TRPM2: variants seen among roughly 807,000 people sequenced by gnomAD.
TRPM2 encodes the protein estrogen-responsive element-associated gene 1 protein.
Under a neutral mutation model 174.0 loss-of-function variants are expected in TRPM2, and 161 were observed. The observed-to-expected ratio is 0.93, with a 90% CI of 0.81 to 1.05. The LOEUF (loss-of-function observed/expected upper bound fraction) is 1.05, where lower values mean the gene tolerates loss of function less well. TRPM2 is among the 50% of genes least tolerant of loss of function. The pLI is 0.00. For missense variants in TRPM2, 2,057 were observed against 2,038.0 expected, an observed-to-expected ratio of 1.01 and a Z score of -0.18; for synonymous variants, 954 against 861.3, an observed-to-expected ratio of 1.11 and a Z score of -1.88.
In TRPM2 at chr21:44,399,309, G is replaced by A. The variant is rs767755773; in HGVS notation, c.2076G>A (p.Glu692=). The stretch of plus-strand genomic sequence containing the variant: ...ATCTCCGCCCAGGGGTCTTCACCGA[G>A]TGCTACCGGAAGGACGAAGAGAGAG... ...YEHRAIGVFT[E]CYRKDEERAQ... Residue 692 remains glutamate (E), a synonymous_variant, in exon 14 of 32, where the codon GAG becomes GAA. Coordinates refer to ENST00000397928, the MANE Select transcript of TRPM2 (RefSeq NM_003307.4). The surrounding 1 kb of genome is among the most constrained non-coding windows in gnomAD (Gnocchi z 4.6). 3 of 1,612,472 alleles carry A rather than the reference G, an allele frequency of 1.9e-6. No homozygotes were observed. Among genetic ancestry groups the A allele is most frequent in the African/African-American group, 1.3e-5 (1 of 74,916 alleles).
At chr21:44,406,444 G>A in intron 18 of TRPM2, 150 bp from the exon 19 acceptor site, 2 of 946,642 alleles carry the variant, frequency 2.1e-6, no homozygotes, top group Non-Finnish European at 1.5e-6. Context: ...AGGGTGTGGG[G>A]GCAGCCCCAG....
intron 2 of TRPM2, among the ~76,000 whole-genome samples, chr21:44,356,133 C>T (rs1376503024): frequency 1.3e-4 from 17 of 132,696 alleles, no homozygotes; most frequent in Admixed American, 1.0e-3. Flanking sequence ...CCACCCGCCT[C>T]GGCCTCCCAA....
chr21:44,395,048 C>T (rs1372178120), intron 11 of TRPM2, among the ~76,000 whole-genome samples: 1 of 152,206 alleles, frequency 6.6e-6, no homozygotes, highest in Non-Finnish European at 1.5e-5. Flanking sequence ...AGGGAGAAGA[C>T]AGTCACTGAC....
At chr21:44,405,329 G>A (rs1047078336) in intron 17 of TRPM2, 69 bp downstream of exon 17, 36 of 1,593,080 alleles carry the variant, frequency 2.3e-5, no homozygotes, top group South Asian at 3.3e-5. Context: ...AGCACAGGCC[G>A]GGCCCAGAAC....
chr21:44,412,010 A>G (rs539918496), intron 19 of TRPM2, among the ~76,000 whole-genome samples: 31 of 151,958 alleles, frequency 2.0e-4, no homozygotes, highest in African/African-American at 6.5e-4. Context: ...CTGTTTTTTG[A>G]TGATTTTTGC....
intron 9 of TRPM2, among the ~76,000 whole-genome samples, chr21:44,388,018 A>G (rs1245336544): frequency 1.3e-5 from 2 of 152,164 alleles, no homozygotes; most frequent in Non-Finnish European, 2.9e-5. Context: ...CAATTCCTAT[A>G]TGATCCAGCT....
At chr21:44,421,635 G>A (rs113478787) in intron 22 of TRPM2, among the ~76,000 whole-genome samples, 4,717 of 152,082 alleles carry the variant, frequency 0.031, 261 homozygotes, top group African/African-American at 0.11. Flanking sequence ...AATTAGCCAG[G>A]CACGGTGGCT....
At chr21:44,408,336 C>T (rs985896999) in intron 19 of TRPM2, among the ~76,000 whole-genome samples, 1 of 151,948 alleles carries the variant, frequency 6.6e-6, no homozygotes, top group Non-Finnish European at 1.5e-5. Context: ...TCTTAGACAC[C>T]TAGGAATGCA....
chr21:44,412,361 TC>T (rs1461550322), intron 19 of TRPM2, among the ~76,000 whole-genome samples: 1 of 152,166 alleles, frequency 6.6e-6, no homozygotes, highest in Non-Finnish European at 1.5e-5. Context: ...TTCATCTAGA[TC>T]ATCTAATTTT....
At chr21:44,362,139 C>T (rs1156529462) in intron 2 of TRPM2, among the ~76,000 whole-genome samples, 1 of 152,092 alleles carries the variant, frequency 6.6e-6, no homozygotes, top group African/African-American at 2.4e-5. Flanking sequence ...AATATAGAAA[C>T]ATTATCTCCT....
chr21:44,374,616 G>T lies in TRPM2; in HGVS notation c.772-1217G>T, dbSNP rs45552840. Among the ~76,000 whole-genome samples the T allele has an allele frequency of 2.2e-3, 337 of 152,212 alleles. 2 individuals carry two copies. The highest frequency in any genetic ancestry group is 7.9e-3 in the African/African-American group (326 of 41,514). On this transcript the variant is annotated intron_variant, in intron 5 of 31. Coordinates refer to ENST00000397928, the MANE Select transcript of TRPM2 (RefSeq NM_003307.4). ...ACAGATCATTAGGCATTAGATTTTC[G>T]TAAGGGGAGTACAACCTAGGTCCCT...
chr21:44,379,598 A>T (rs1273703611), intron 8 of TRPM2, among the ~76,000 whole-genome samples: 1 of 152,248 alleles, frequency 6.6e-6, no homozygotes, highest in African/African-American at 2.4e-5. Flanking sequence ...TTGTAGCCTC[A>T]TAGGTGAGTT....
intron 2 of TRPM2, among the ~76,000 whole-genome samples, chr21:44,363,432 T>G (rs1336256032): frequency 2.0e-5 from 3 of 152,216 alleles, no homozygotes; most frequent in Admixed American, 6.5e-5. Context: ...TGCTCCTGGG[T>G]TCTTTCCTCT....
In TRPM2 at chr21:44,414,087, G is replaced by C; in HGVS notation, c.3146+13G>C. Reference sequence around the variant, plus strand: ...TCGCCATGTTCAAGTGAGCGCCTGGGTGGGGCTGGCGTGCAGGTGGGTGGG... The same window carrying C: ...TCGCCATGTTCAAGTGAGCGCCTGGCTGGGGCTGGCGTGCAGGTGGGTGGG... On this transcript the variant is annotated intron_variant, in intron 20 of 31. Transcript: ENST00000397928. The C allele has an allele frequency of 1.2e-6, 2 of 1,606,058 alleles. No homozygotes were observed. The highest frequency in any genetic ancestry group is 1.7e-6 in the Non-Finnish European group (2 of 1,175,824).
intron 2 of TRPM2, among the ~76,000 whole-genome samples, chr21:44,361,857 C>T (rs1035364011): frequency 4.6e-5 from 7 of 152,166 alleles, no homozygotes; most frequent in African/African-American, 1.7e-4. Context: ...TACAGACATG[C>T]ACCACCATGC....
intron 5 of TRPM2, among the ~76,000 whole-genome samples, chr21:44,371,242 T>C (rs1203475169): frequency 6.6e-6 from 1 of 150,984 alleles, no homozygotes. Flanking sequence ...GCCGCCTCCC[T>C]CCAGTCTCTG....
rs1666513587 is a variant in TRPM2 at position 44,438,689 on chromosome 21, G to A, written c.4168-378G>A. Among the ~76,000 whole-genome samples, 1 of 152,284 alleles carries A rather than the reference G, an allele frequency of 6.6e-6. No homozygotes were observed. Among genetic ancestry groups the A allele is most frequent in the African/African-American group, 2.4e-5 (1 of 41,568 alleles). ...AGACGGGAATGCAAACAGGGAACCC[G>A]CCGTGGCAGCCTGCTGCACTGGGCG... On this transcript the variant is annotated intron_variant, in intron 29 of 31. Coordinates refer to ENST00000397928, the MANE Select transcript of TRPM2 (RefSeq NM_003307.4). This position sits in a 1 kb window ranked among gnomAD's most constrained non-coding sequence, Gnocchi z 5.9.
chr21:44,353,958 G>A, intron 1 of TRPM2, 93 bp downstream of exon 1: 1 of 1,466,076 alleles, frequency 6.8e-7, no homozygotes, highest in Non-Finnish European at 9.1e-7. Context: ...GACGGGGGTG[G>A]GAAAGGGTCT....
intron 9 of TRPM2, among the ~76,000 whole-genome samples, chr21:44,384,286 T>C (rs1375168807): frequency 1.3e-5 from 2 of 152,232 alleles, no homozygotes; most frequent in Non-Finnish European, 2.9e-5. Context: ...TACCACAGAC[T>C]AAGTACTTTA....
Sources: allele counts gnomAD v4.1 joint callset (sites outside exome capture counted in the v4.1 genomes callset), GRCh38; gene constraint gnomAD v4.1.1; non-coding constraint Gnocchi (gnomAD v3.1); transcripts MANE v1.5; gene names NCBI Gene and HGNC (gene_info 2026-07-23, HGNC 2026-07-21).